The following MYO1B variants were observed in gnomAD, a reference collection of about 807,000 sequenced individuals.
MYO1B encodes myosin IB.
MYO1B carries 72 observed loss-of-function variants against 159.7 expected under a neutral mutation model. That is an observed-to-expected ratio of 0.45 (90% CI 0.37 to 0.55). MYO1B has a LOEUF of 0.55. Among genes scored for constraint, MYO1B ranks in the 20% least tolerant of loss-of-function variants. MYO1B has a pLI of 0.00. For synonymous variants in MYO1B, 468 were observed against 473.8 expected, an observed-to-expected ratio of 0.99 and a Z score of 0.16; for missense variants, 1,062 against 1,364.8, an observed-to-expected ratio of 0.78 and a Z score of 3.50.
chr2:191,406,052 C>G (rs925498096), intron 24 of MYO1B, among the ~76,000 whole-genome samples: 12 of 152,228 alleles, frequency 7.9e-5, no homozygotes, highest in African/African-American at 2.7e-4. Flanking sequence ...CATGAGTGAT[C>G]TAGTTAGATC....
chr2:191,268,419 CA>C lies in MYO1B; in HGVS notation c.-9-8465del, dbSNP rs565590730. Among the ~76,000 whole-genome samples, 436 of 152,282 alleles carry C rather than the reference CA, an allele frequency of 2.9e-3. 1 individual carries two copies. Among genetic ancestry groups the C allele is most frequent in the African/African-American group, 0.01 (417 of 41,546 alleles). On this transcript the variant is annotated intron_variant, in intron 1 of 30. Coordinates refer to ENST00000392318, the MANE Select transcript of MYO1B (RefSeq NM_001130158.3). The stretch of plus-strand genomic sequence containing the variant: ...AATTACTTTCCAAAGGACCCACCTC[CA>C]AATATCATCATACTGGGGGCTAGGG...
In MYO1B at chr2:191,341,548, C is replaced by A; in HGVS notation, c.434C>A (p.Ser145Tyr). 1 of 1,613,602 alleles carries A rather than the reference C, an allele frequency of 6.2e-7. No individual in the cohort carries two copies. Among genetic ancestry groups the A allele is most frequent in the South Asian group, 1.1e-5 (1 of 90,952 alleles). The change falls in exon 5 of 31, where the codon TCC (serine) becomes TAC (tyrosine). Residue 145 changes from serine (S) to tyrosine (Y), a missense_variant. Coordinates refer to ENST00000392318, the MANE Select transcript of MYO1B (RefSeq NM_001130158.3). ...CAAGTTAAAGAACAGCTTTTACAGT[C>A]CAACCCGGTCCTGGAAGGTAGGATG... is the stretch of plus-strand genomic sequence containing the variant. Reference protein sequence around the residue: ...VNQVKEQLLQSNPVLEAFGNA... With the variant: ...VNQVKEQLLQYNPVLEAFGNA...
chr2:191,421,736 A>G (rs1574664453), intron 30 of MYO1B, among the ~76,000 whole-genome samples: 1 of 152,348 alleles, frequency 6.6e-6, no homozygotes, highest in South Asian at 2.1e-4. Context: ...TTGGCCTCCC[A>G]AAGTGCTGGG....
At chr2:191,356,489 T>C (rs1693298452) in intron 7 of MYO1B, among the ~76,000 whole-genome samples, 1 of 152,156 alleles carries the variant, frequency 6.6e-6, no homozygotes, top group African/African-American at 2.4e-5. Flanking sequence ...GGTGGCTTTA[T>C]ATGAAAGTAG....
rs751307367 is a variant in MYO1B at position 191,408,171 on chromosome 2, G to A, written c.2613G>A (p.Glu871=). The A allele has an allele frequency of 4.3e-6, 7 of 1,612,792 alleles. No individual in the cohort carries two copies. Among genetic ancestry groups the A allele is most frequent in the South Asian group, 1.1e-5 (1 of 91,036 alleles). ...CCAATGCTGGAAAGAAAATCTATGA[G>A]TTTACGCTTCAGAGAATTGTAAGTT... ...FRANAGKKIY[E]FTLQRIVQKY... The change falls in exon 25 of 31, where the codon GAG becomes GAA. Residue 871 remains glutamate, a synonymous_variant. Transcript: ENST00000392318.
Position 191,409,052 on chromosome 2 carries a change from A to T in MYO1B, c.2640A>T (p.Lys880Asn). 2 of 1,609,706 alleles carry T rather than the reference A, an allele frequency of 1.2e-6. No homozygotes were observed. The highest frequency in any genetic ancestry group is 1.7e-5 in the Admixed American group (1 of 59,152). ...YEFTLQRIVQ[K>N]YFLEMKNKMP... ...CTGTCAACCCAACACAGGTGCAAAA[A>T]TACTTCTTGGAAATGAAAAATAAGA... The change falls in exon 26 of 31, where the codon AAA (lysine) becomes AAT (asparagine). Residue 880 changes from lysine (K) to asparagine (N), a missense_variant. Coordinates refer to ENST00000392318, the MANE Select transcript of MYO1B (RefSeq NM_001130158.3).
intron 6 of MYO1B, among the ~76,000 whole-genome samples, chr2:191,349,245 G>A (rs1231701982): frequency 6.6e-6 from 1 of 152,158 alleles, no homozygotes; most frequent in Non-Finnish European, 1.5e-5. Context: ...ACCTAAAAGG[G>A]TAGAGGACCC....
In MYO1B at chr2:191,393,206, G is replaced by C. The variant is rs766138754; in HGVS notation, c.2210G>C (p.Trp737Ser). Reference sequence around the variant, plus strand: ...AAAAGCCAAATTGTGATTGCCGCCTGGTACAGGAGATATGCGGTAAGAGTC... The same window carrying C: ...AAAAGCCAAATTGTGATTGCCGCCTCGTACAGGAGATATGCGGTAAGAGTC... The part of the protein sequence containing the change: ...MKKSQIVIAA[W>S]YRRYAQQKRY... The change falls in exon 20 of 31, where the codon TGG becomes TCG. Residue 737 changes from tryptophan to serine, a missense_variant. By Grantham distance (177) the Trp-to-Ser change is radical. Transcript: ENST00000392318. 3.7e-6 allele frequency: 6 copies of C among 1,613,806 alleles called. No homozygotes were observed. Among genetic ancestry groups the C allele is most frequent in the Admixed American group, 1.7e-5 (1 of 59,972 alleles).
intron 3 of MYO1B, 105 bp from the exon 4 acceptor site, chr2:191,329,830 C>T: frequency 6.1e-6 from 5 of 826,036 alleles, no homozygotes; most frequent in Non-Finnish European, 9.4e-6. Context: ...AGCTTGCTTT[C>T]CAAAAGCATA....
intron 1 of MYO1B, among the ~76,000 whole-genome samples, chr2:191,276,449 T>C (rs973302489): frequency 6.6e-6 from 1 of 152,236 alleles, no homozygotes; most frequent in Non-Finnish European, 1.5e-5. Context: ...GTGTCTGATA[T>C]GTGGCAAGTA....
intron 7 of MYO1B, among the ~76,000 whole-genome samples, chr2:191,354,583 A>G (rs1269405045): frequency 2.6e-5 from 4 of 152,120 alleles, no homozygotes; most frequent in South Asian, 2.1e-4. Flanking sequence ...TGATTTGTCT[A>G]TGTTCCAGTT....
intron 3 of MYO1B, among the ~76,000 whole-genome samples, chr2:191,322,588 T>G (rs1303848618): frequency 6.6e-6 from 1 of 152,166 alleles, no homozygotes; most frequent in African/African-American, 2.4e-5. Context: ...GAAAAAATTT[T>G]GGGGTGTCCC....
At chr2:191,346,137 T>C in intron 5 of MYO1B, 99 bp from the exon 6 acceptor site, 2 of 919,252 alleles carry the variant, frequency 2.2e-6, no homozygotes, top group East Asian at 5.8e-5. Flanking sequence ...CAAGTTGTAT[T>C]TTCCAGAAAT....
rs530863152 is a variant in MYO1B at position 191,375,563 on chromosome 2, C to T, written c.1185+5271C>T. Among the ~76,000 whole-genome samples the T allele has an allele frequency of 3.9e-5, 6 of 152,246 alleles. No homozygotes were observed. In the South Asian group the frequency reaches 1.2e-3, roughly 32 times the overall value. On this transcript the variant is annotated intron_variant, in intron 13 of 30. Coordinates refer to ENST00000392318, the MANE Select transcript of MYO1B (RefSeq NM_001130158.3). ...GCAATTCCTGAATCCCAGAGCCGGG[C>T]ACTCCTCCCCATGTGTCAGTCTCAT... is the stretch of plus-strand genomic sequence containing the variant.
intron 1 of MYO1B, among the ~76,000 whole-genome samples, chr2:191,276,513 T>C (rs1468225888): frequency 2.0e-5 from 3 of 152,196 alleles, no homozygotes; most frequent in Non-Finnish European, 4.4e-5. Flanking sequence ...AGCAGGTTCA[T>C]ATAGTCTGAC....
chr2:191,407,484 A>G (rs1696995371), intron 24 of MYO1B, among the ~76,000 whole-genome samples: 1 of 152,266 alleles, frequency 6.6e-6, no homozygotes, highest in South Asian at 2.1e-4. Context: ...AGACATTAGT[A>G]TATGAAGTAA....
At chr2:191,375,102 T>C (rs1400298033) in intron 13 of MYO1B, among the ~76,000 whole-genome samples, 1 of 152,236 alleles carries the variant, frequency 6.6e-6, no homozygotes, top group African/African-American at 2.4e-5. Context: ...ACAGTGGAGC[T>C]AGTTTAACAC....
chr2:191,398,431 C>CA (rs1179944687), intron 21 of MYO1B, among the ~76,000 whole-genome samples: 1 of 145,072 alleles, frequency 6.9e-6, no homozygotes, highest in Non-Finnish European at 1.5e-5. Flanking sequence ...TGACCCCCCC[C>CA]CACCTCCCTC....
intron 25 of MYO1B, 36 bp downstream of exon 25, chr2:191,408,225 T>A: frequency 6.7e-7 from 1 of 1,496,378 alleles, no homozygotes; most frequent in South Asian, 1.1e-5. Flanking sequence ...ATAATCAGCA[T>A]TGTGGAATTA....
Sources: allele counts gnomAD v4.1 joint callset (sites outside exome capture counted in the v4.1 genomes callset), GRCh38; gene constraint gnomAD v4.1.1; transcripts MANE v1.5; gene names NCBI Gene and HGNC (gene_info 2026-07-23, HGNC 2026-07-21).